SLC3A1: variants seen among roughly 807,000 people sequenced by gnomAD.
SLC3A1 encodes solute carrier family 3 member 1.
Under a neutral mutation model 60.3 loss-of-function variants are expected in SLC3A1, and 78 were observed. That is an observed-to-expected ratio of 1.29 (90% CI 1.08 to 1.56). The LOEUF (loss-of-function observed/expected upper bound fraction) is 1.56. Ranked by LOEUF, SLC3A1 falls within the 40% of genes most tolerant of loss-of-function variation. SLC3A1 has a pLI of 0.00. For synonymous variants in SLC3A1, 392 were observed against 307.9 expected (o/e 1.27, Z -2.86); for missense variants, 1,172 against 858.9 (o/e 1.36, Z -4.56).
chr2:44,313,113 CTACTTGAAATGTGGAGT>C (rs1468268779), intron 8 of SLC3A1, among the ~76,000 whole-genome samples: 1 of 152,112 alleles, frequency 6.6e-6, no homozygotes, highest in Non-Finnish European at 1.5e-5. Flanking sequence ...TCATTTCCCT[CTACTTGAAATGTGGAGT>C]TAGGAACACT....
chr2:44,316,387 G>C (rs1672454238), intron 9 of SLC3A1: 1 of 152,184 alleles, frequency 6.6e-6, no homozygotes, highest in Non-Finnish European at 1.5e-5. Flanking sequence ...AAATAAAATA[G>C]AACATAAGTG....
intron 4 of SLC3A1, among the ~76,000 whole-genome samples, chr2:44,290,447 T>G (rs1191144245): frequency 6.6e-6 from 1 of 152,220 alleles, no homozygotes; most frequent in Non-Finnish European, 1.5e-5. Flanking sequence ...CTGAGTCAGC[T>G]TGACAATGTT....
intron 1 of SLC3A1, among the ~76,000 whole-genome samples, chr2:44,279,937 T>A (rs1671454276): frequency 6.6e-6 from 1 of 152,138 alleles, no homozygotes; most frequent in South Asian, 2.1e-4. Flanking sequence ...TACATGTTGT[T>A]CCCTTACAGC....
At chr2:44,302,487 A>G (rs958742046) in intron 6 of SLC3A1, among the ~76,000 whole-genome samples, 5 of 152,224 alleles carry the variant, frequency 3.3e-5, no homozygotes, top group African/African-American at 1.2e-4. Flanking sequence ...AGACAAGGAA[A>G]CTGAGGCTCT....
rs182976886 is a variant in SLC3A1 at position 44,308,825 on chromosome 2, C to T, written c.1333-3761C>T. On this transcript the variant is annotated intron_variant, in intron 7 of 9. Transcript: ENST00000260649. ...TCAGCTCATTGCAAGCTCCGCCTCCCGGGTTCATGCCATTCTCCTGTATCA... is the reference window on the plus strand; with the variant it reads ...TCAGCTCATTGCAAGCTCCGCCTCCTGGGTTCATGCCATTCTCCTGTATCA... 1.3e-3 allele frequency among the ~76,000 whole-genome samples: 195 copies of T among 151,988 alleles called. 1 individual carries two copies. Among genetic ancestry groups the T allele is most frequent in the Non-Finnish European group, 1.8e-3 (121 of 67,968 alleles).
chr2:44,308,827 G>A (rs950377500), intron 7 of SLC3A1, among the ~76,000 whole-genome samples: 3 of 151,888 alleles, frequency 2.0e-5, no homozygotes, highest in African/African-American at 7.3e-5. Flanking sequence ...CCGCCTCCCG[G>A]GTTCATGCCA....
At position 44,301,135 on chromosome 2, in the gene SLC3A1, AC is replaced by A. The variant is rs1671995868; in HGVS notation, c.1136+9del. On this transcript the variant is annotated intron_variant, in intron 6 of 9. Coordinates refer to ENST00000260649, the MANE Select transcript of SLC3A1 (RefSeq NM_000341.4). Reference sequence around the variant, plus strand: ...GGAGCCCGGCAGATACAGGTTGACCACGGCATATGCTCTCATTTCTTCCCAG... The same window carrying A: ...GGAGCCCGGCAGATACAGGTTGACCAGGCATATGCTCTCATTTCTTCCCAG... 6.2e-7 allele frequency: 1 copy of A among 1,614,194 alleles called. No homozygotes were observed. Among genetic ancestry groups the A allele is most frequent in the Non-Finnish European group, 8.5e-7 (1 of 1,180,026 alleles).
chr2:44,306,422 G>C (rs557399126), intron 7 of SLC3A1, among the ~76,000 whole-genome samples: 2 of 152,140 alleles, frequency 1.3e-5, no homozygotes, highest in East Asian at 1.9e-4. Context: ...GCCTTTCTCC[G>C]TCTGGTGAGG....
chr2:44,280,908 G>C lies in SLC3A1; in HGVS notation c.610+13G>C. On this transcript the variant is annotated intron_variant, in intron 2 of 9. Transcript: ENST00000260649. ...ATACATGATAAAGGTAAGTTGAATG[G>C]AAAGTGGGCAAGATGGGGATGAGGT... 6.2e-7 allele frequency: 1 copy of C among 1,612,086 alleles called. No homozygotes were observed. Among genetic ancestry groups the C allele is most frequent in the East Asian group, 2.2e-5 (1 of 44,858 alleles).
At chr2:44,308,448 C>T (rs905646844) in intron 7 of SLC3A1, among the ~76,000 whole-genome samples, 1 of 152,164 alleles carries the variant, frequency 6.6e-6, no homozygotes, top group African/African-American at 2.4e-5. Flanking sequence ...GCCATCTTGT[C>T]TTCTAATCCA....
chr2:44,285,720 G>T (rs2104341582), intron 3 of SLC3A1: 1 of 538,150 alleles, frequency 1.9e-6, no homozygotes, highest in Non-Finnish European at 3.7e-6. Context: ...CTGGACAGAA[G>T]ATTCAAGAAA....
intron 5 of SLC3A1, 122 bp downstream of exon 5, chr2:44,300,212 C>A: frequency 1.0e-6 from 1 of 974,942 alleles, no homozygotes. Context: ...AGCAAGTACC[C>A]TGATTTATTT....
In SLC3A1 at chr2:44,312,624, G is replaced by C. The variant is rs1016854597; in HGVS notation, c.1371G>C (p.Leu457Phe). The change falls in exon 8 of 10, where the codon TTG (leucine) becomes TTC (phenylalanine). Residue 457 changes from leucine (L) to phenylalanine (F), a missense_variant. Physicochemically the swap from Leu to Phe is conservative, Grantham distance 22. Transcript: ENST00000260649. ...ACAGTTCACGGCTGACTTCGCGTTT[G>C]GGGAATCAGTATGTCAACGTGATGA... is the stretch of plus-strand genomic sequence containing the variant. ...GPDSSRLTSR[L>F]GNQYVNVMNM... is the part of the protein sequence containing the mutation. The C allele has an allele frequency of 1.2e-6, 2 of 1,613,928 alleles. No individual in the cohort carries two copies. Among genetic ancestry groups the C allele is most frequent in the South Asian group, 1.1e-5 (1 of 91,068 alleles).
At position 44,312,638 on chromosome 2, in the gene SLC3A1, TCAA is replaced by T; in HGVS notation, c.1387_1389del (p.Asn463del). ...ACTTCGCGTTTGGGGAATCAGTATG[TCAA>T]CGTGATGAACATGCTTCTTTTCACA... On this transcript the variant is annotated inframe_deletion, in exon 8 of 10. Transcript: ENST00000260649. 6.2e-7 allele frequency: 1 copy of T among 1,613,938 alleles called. No homozygotes were observed. The highest frequency in any genetic ancestry group is 1.1e-5 in the South Asian group (1 of 91,078).
downstream of SLC3A1, chr2:44,321,916 T>C (rs1249351159): frequency 1.2e-6 from 2 of 1,607,968 alleles, no homozygotes; most frequent in Non-Finnish European, 1.7e-6. Context: ...AGAGTTAACA[T>C]GTAGAACAAT....
Position 44,320,716 on chromosome 2 carries a change from G to A in SLC3A1, c.*77G>A, listed in dbSNP as rs1672867176. 1.8e-6 allele frequency: 2 copies of A among 1,088,668 alleles called. No individual in the cohort carries two copies. Among genetic ancestry groups the A allele is most frequent in the Admixed American group, 1.7e-5 (1 of 58,126 alleles). The allele number at this position is 1,088,668 out of a possible 1,614,324, so 67.4% of individuals were successfully genotyped here. ...TTTGTAATAGCTTCATGTACAGCATGCTGCTTGGTGAACAATCATTAATTC... is the reference window on the plus strand; with the variant it reads ...TTTGTAATAGCTTCATGTACAGCATACTGCTTGGTGAACAATCATTAATTC... On this transcript the variant is annotated 3_prime_UTR_variant, in exon 10 of 10. Coordinates refer to ENST00000260649, the MANE Select transcript of SLC3A1 (RefSeq NM_000341.4).
intron 4 of SLC3A1, among the ~76,000 whole-genome samples, chr2:44,291,963 T>C (rs1671748426): frequency 6.6e-6 from 1 of 152,152 alleles, no homozygotes; most frequent in South Asian, 2.1e-4. Flanking sequence ...GCTGAAGAAG[T>C]CAGAAAACCT....
intron 9 of SLC3A1, chr2:44,316,213 C>A (rs887938563): frequency 8.5e-5 from 13 of 152,154 alleles, no homozygotes; most frequent in African/African-American, 3.1e-4. Context: ...AAGGGAGACA[C>A]CATTCCTAAC....
At chr2:44,307,744 G>T (rs1176989272) in intron 7 of SLC3A1, among the ~76,000 whole-genome samples, 1 of 151,956 alleles carries the variant, frequency 6.6e-6, no homozygotes, top group African/African-American at 2.4e-5. Flanking sequence ...TACTGGATAG[G>T]TGATTTGCAA....
Sources: allele counts gnomAD v4.1 joint callset (sites outside exome capture counted in the v4.1 genomes callset), GRCh38; gene constraint gnomAD v4.1.1; transcripts MANE v1.5; gene names NCBI Gene and HGNC (gene_info 2026-07-23, HGNC 2026-07-21).